CEP43: variants seen among roughly 807,000 people sequenced by gnomAD.
CEP43 encodes FGFR1 oncogene partner.
Under a neutral mutation model 52.6 loss-of-function variants are expected in CEP43, and 36 were observed. That is an observed-to-expected ratio of 0.68 (90% CI 0.52 to 0.90). The LOEUF is 0.90. Among genes scored for constraint, CEP43 ranks in the 40% least tolerant of loss-of-function variants. The pLI, the probability that CEP43 is intolerant of heterozygous loss-of-function variation, is 0.00. For missense variants in CEP43, 506 were observed against 472.8 expected (o/e 1.07, Z -0.65); for synonymous variants, 192 against 172.4 (o/e 1.11, Z -0.89).
intron 12 of CEP43, among the ~76,000 whole-genome samples, chr6:167,035,253 T>C (rs1381081398): frequency 1.3e-5 from 2 of 152,250 alleles, no homozygotes; most frequent in Non-Finnish European, 2.9e-5. Context: ...TGACAGTCAC[T>C]GTACTTCATC....
intron 4 of CEP43, 25 bp from the exon 5 acceptor site, chr6:167,004,239 A>G: frequency 6.3e-7 from 1 of 1,579,734 alleles, no homozygotes; most frequent in Non-Finnish European, 8.6e-7. Flanking sequence ...TTTTTTGTGC[A>G]CTTGTATTTT....
chr6:167,028,127 A>G (rs1780392429), intron 10 of CEP43: 2 of 985,522 alleles, frequency 2.0e-6, no homozygotes, highest in African/African-American at 1.7e-5. Flanking sequence ...CTGCACCGTG[A>G]TGGCCGCCTT....
chr6:167,052,222 G>A lies in CEP43; in HGVS notation c.*12244G>A, dbSNP rs1780877955. The A allele has an allele frequency of 6.6e-6, 1 of 152,060 alleles. No homozygotes were observed. 9.4% of individuals were successfully genotyped at this position (152,060 alleles called of 1,614,324 possible). A position where few individuals can be genotyped will look rare whatever the true frequency, so the allele number is the denominator to read the frequency against. On this transcript the variant is annotated 3_prime_UTR_variant, in exon 13 of 13. Transcript: ENST00000366847. ...TTATAGCTCTAGGTCCTCTTCACTTGTTTTTGTGCTATTATTGTTATACTT... is the reference window on the plus strand; with the variant it reads ...TTATAGCTCTAGGTCCTCTTCACTTATTTTTGTGCTATTATTGTTATACTT...
At chr6:166,999,652 A>G (rs1779680050) in intron 1 of CEP43, 138 bp downstream of exon 1, 2 of 541,426 alleles carry the variant, frequency 3.7e-6, no homozygotes, top group Non-Finnish European at 6.0e-6. Context: ...GCGCCCCGGC[A>G]TGGCCTCCGT....
chr6:167,035,059 G>C (rs538348206), intron 12 of CEP43, among the ~76,000 whole-genome samples: 1 of 152,184 alleles, frequency 6.6e-6, no homozygotes, highest in Non-Finnish European at 1.5e-5. Flanking sequence ...AAATGACGTG[G>C]GTTGAAGAGG....
At chr6:167,006,475 G>A (rs998817429) in intron 5 of CEP43, among the ~76,000 whole-genome samples, 2 of 151,952 alleles carry the variant, frequency 1.3e-5, no homozygotes, top group Non-Finnish European at 2.9e-5. Flanking sequence ...TCGTGCCACC[G>A]CACTCCAGCC....
At position 167,042,600 on chromosome 6, in the gene CEP43, G is replaced by C. The variant is rs1780722427; in HGVS notation, c.*2622G>C. 6.5e-6 allele frequency: 1 copy of C among 153,942 alleles called. No homozygotes were observed. Among genetic ancestry groups the C allele is most frequent in the South Asian group, 2.1e-4 (1 of 4,848 alleles). 9.5% of individuals were successfully genotyped at this position (153,942 alleles called of 1,614,324 possible). On this transcript the variant is annotated 3_prime_UTR_variant, in exon 13 of 13. Transcript: ENST00000366847. The stretch of plus-strand genomic sequence containing the variant: ...AGCCTCTGCACCTGAGCTTGCCAAA[G>C]CCCTTCCTGTCTCAAGGTGTGATAT...
chr6:167,005,002 G>A (rs1453379153), intron 5 of CEP43, among the ~76,000 whole-genome samples: 1 of 152,070 alleles, frequency 6.6e-6, no homozygotes, highest in African/African-American at 2.4e-5. Flanking sequence ...TGAGATTAAT[G>A]ATATAATTTT....
At chr6:167,022,682 G>C in intron 8 of CEP43, 47 bp downstream of exon 8, 1 of 1,189,468 alleles carries the variant, frequency 8.4e-7, no homozygotes, top group Non-Finnish European at 1.2e-6. Context: ...TTAAAAATAA[G>C]ATAAATGTTT....
chr6:167,032,746 T>C (rs1013000770), intron 11 of CEP43, 104 bp downstream of exon 11: 52 of 1,027,936 alleles, frequency 5.1e-5, no homozygotes, highest in Non-Finnish European at 6.6e-5. Flanking sequence ...TTTAATGTAT[T>C]TGATTCTGTT....
chr6:167,004,368 T>G lies in CEP43; in HGVS notation c.405T>G (p.Cys135Trp), dbSNP rs1248915591. 6.2e-7 allele frequency: 1 copy of G among 1,602,532 alleles called. No individual in the cohort carries two copies. The highest frequency in any genetic ancestry group is 8.5e-7 in the Non-Finnish European group (1 of 1,174,764). ...TATTATTAGAAGTGATCAGGCGCTG[T>G]CAACAGAAAGAAAAAGGGCCAACCA... Reference protein sequence around the residue: ...GPLLLEVIRRCQQKEKGPTTG... With the variant: ...GPLLLEVIRRWQQKEKGPTTG... The change falls in exon 5 of 13, where the codon TGT (cysteine) becomes TGG (tryptophan). Residue 135 changes from cysteine to tryptophan, a missense_variant. Coordinates refer to ENST00000366847, the MANE Select transcript of CEP43 (RefSeq NM_007045.4).
intron 10 of CEP43, among the ~76,000 whole-genome samples, chr6:167,027,262 C>T (rs574162115): frequency 7.2e-5 from 11 of 152,234 alleles, no homozygotes; most frequent in South Asian, 4.1e-4. Flanking sequence ...TGAACATTAC[C>T]GAGCCCTGGG....
chr6:167,019,280 A>ACCTGCTGTGCACACGCG lies in CEP43; in HGVS notation c.580-3129_580-3128insCCTGCTGTGCACACGCG, dbSNP rs1562528053. On this transcript the variant is annotated intron_variant, in intron 7 of 12. Coordinates refer to ENST00000366847, the MANE Select transcript of CEP43 (RefSeq NM_007045.4). ...ACGCATACACCTGCTGTGCACACAC[A>ACCTGCTGTGCACACGCG]TACACCTGCTGTGCACACGCGTACA... Among the ~76,000 whole-genome samples, 140 of 146,992 alleles carry ACCTGCTGTGCACACGCG rather than the reference A, an allele frequency of 9.5e-4. 4 individuals carry two copies. In the East Asian group the frequency reaches 0.019, roughly 19 times the overall value.
chr6:167,002,102 T>C (rs940955907), intron 2 of CEP43, among the ~76,000 whole-genome samples: 1 of 152,214 alleles, frequency 6.6e-6, no homozygotes, highest in African/African-American at 2.4e-5. Context: ...AATAGTTAAT[T>C]TATGCAGCTG....
chr6:167,008,016 C>T (rs1487238643), intron 5 of CEP43, among the ~76,000 whole-genome samples: 1 of 152,132 alleles, frequency 6.6e-6, no homozygotes, highest in East Asian at 1.9e-4. Context: ...TTCCTTTCTT[C>T]TGTACGATTG....
At chr6:167,035,055 C>T (rs951339251) in intron 12 of CEP43, among the ~76,000 whole-genome samples, 5 of 152,084 alleles carry the variant, frequency 3.3e-5, no homozygotes, top group African/African-American at 1.2e-4. Context: ...TGTGAAATGA[C>T]GTGGGTTGAA....
rs1007695066 is a variant in CEP43, at chr6:167,003,668, TA to T, written c.212-49del. 24 of 1,090,680 alleles carry T rather than the reference TA, an allele frequency of 2.2e-5. No individual in the cohort carries two copies. In the Admixed American group the frequency reaches 4.6e-4, roughly 21 times the overall value. 67.6% of individuals were successfully genotyped at this position (1,090,680 alleles called of 1,614,324 possible). On this transcript the variant is annotated intron_variant, in intron 3 of 12. Coordinates refer to ENST00000366847, the MANE Select transcript of CEP43 (RefSeq NM_007045.4). The stretch of plus-strand genomic sequence containing the variant: ...GTGTATCTATTTCATAATGTTAATT[TA>T]AAAAATTCAGTTTTTGAAGATTTGC...
intron 6 of CEP43, chr6:167,011,553 T>G (rs1779985538): frequency 6.6e-6 from 1 of 152,240 alleles, no homozygotes; most frequent in Non-Finnish European, 1.5e-5. Context: ...AAATTTGTTT[T>G]CTCAAGAGCA....
intron 3 of CEP43, 123 bp from the exon 4 acceptor site, chr6:167,003,600 T>G (rs922284526): frequency 3.2e-6 from 2 of 621,700 alleles, no homozygotes; most frequent in African/African-American, 3.7e-5. Flanking sequence ...AAAGAGGAAA[T>G]TTGTAACTTA....
Sources: allele counts gnomAD v4.1 joint callset (sites outside exome capture counted in the v4.1 genomes callset), GRCh38; gene constraint gnomAD v4.1.1; transcripts MANE v1.5; gene names NCBI Gene and HGNC (gene_info 2026-07-23, HGNC 2026-07-21).